ZPLD1: variants seen among roughly 807,000 people sequenced by gnomAD.
The protein encoded by ZPLD1 is zona pellucida-like domain-containing protein 1.
Under a neutral mutation model 47.2 loss-of-function variants are expected in ZPLD1, and 34 were observed. The observed-to-expected ratio is 0.72, with a 90% CI of 0.55 to 0.96. The LOEUF (loss-of-function observed/expected upper bound fraction) is 0.96. ZPLD1 is among the 40% of genes least tolerant of loss of function. ZPLD1 has a pLI of 0.00. For synonymous variants in ZPLD1, 176 were observed against 186.2 expected (o/e 0.95, Z 0.45); for missense variants, 512 against 505.8 (o/e 1.01, Z -0.12).
intron 6 of ZPLD1, among the ~76,000 whole-genome samples, 176 bp downstream of exon 6, chr3:102,458,029 A>G (rs1707446027): frequency 6.6e-6 from 1 of 152,212 alleles, no homozygotes; most frequent in South Asian, 2.1e-4. Context: ...GTATAATAAT[A>G]TCTCCATTAA....
chr3:102,468,469 T>C (rs958283177), intron 8 of ZPLD1, among the ~76,000 whole-genome samples: 2 of 152,004 alleles, frequency 1.3e-5, no homozygotes, highest in Non-Finnish European at 2.9e-5. Flanking sequence ...ATGAGGAAGC[T>C]CTCTAAATAT....
intron 7 of ZPLD1, among the ~76,000 whole-genome samples, chr3:102,416,238 A>G (rs1706803019): frequency 6.6e-6 from 1 of 151,916 alleles, no homozygotes; most frequent in Non-Finnish European, 1.5e-5. Flanking sequence ...TATCTCAACT[A>G]TTTTATATTT....
intron 3 of ZPLD1, among the ~76,000 whole-genome samples, chr3:102,444,559 T>C (rs1707228421): frequency 6.6e-6 from 1 of 152,240 alleles, no homozygotes. Context: ...ATCTGTTCTC[T>C]AGGCAATTTG....
At chr3:102,444,620 A>G (rs183561333) in intron 3 of ZPLD1, among the ~76,000 whole-genome samples, 1 of 152,334 alleles carries the variant, frequency 6.6e-6, no homozygotes, top group East Asian at 1.9e-4. Flanking sequence ...AGATAAAAGC[A>G]GAACTGATAT....
intron 7 of ZPLD1, among the ~76,000 whole-genome samples, chr3:102,406,325 C>A (rs1224001292): frequency 6.6e-6 from 1 of 151,932 alleles, no homozygotes; most frequent in Non-Finnish European, 1.5e-5. Context: ...ATAAGCTTGA[C>A]ACACAACTAC....
chr3:102,462,805 A>T (rs375801156), intron 7 of ZPLD1, among the ~76,000 whole-genome samples: 1 of 152,128 alleles, frequency 6.6e-6, no homozygotes, highest in African/African-American at 2.4e-5. Context: ...ACATAAAATG[A>T]TCTCCAGAAA....
intron 10 of ZPLD1, among the ~76,000 whole-genome samples, chr3:102,476,151 G>A (rs1487969461): frequency 6.6e-6 from 1 of 151,836 alleles, no homozygotes; most frequent in Non-Finnish European, 1.5e-5. Context: ...TGAACTATGT[G>A]GTTTTATACA....
At chr3:102,395,690 C>CT (rs1706549209) in intron 7 of ZPLD1, among the ~76,000 whole-genome samples, 1 of 152,174 alleles carries the variant, frequency 6.6e-6, no homozygotes, top group African/African-American at 2.4e-5. Flanking sequence ...ACCAATGCAC[C>CT]TGTGCACATT....
rs1707410062 is a variant in ZPLD1, at chr3:102,456,195, ATCC to A, written c.331_333del (p.Ser111del). 4.3e-6 allele frequency: 7 copies of A among 1,611,678 alleles called. No homozygotes were observed. The Admixed American group carries it at 1.0e-4, about 23-fold the overall frequency. On this transcript the variant is annotated inframe_deletion, in exon 5 of 12. Transcript: ENST00000466937. ...AACTGCATCTAACATTCTAACAGGT[ATCC>A]ACAATTCCTGGAGTCAGTGCTTATG... is the stretch of plus-strand genomic sequence containing the variant.
intron 7 of ZPLD1, among the ~76,000 whole-genome samples, chr3:102,397,618 C>A (rs1706572678): frequency 6.6e-6 from 1 of 152,054 alleles, no homozygotes; most frequent in Non-Finnish European, 1.5e-5. Flanking sequence ...ATGTCAGTCT[C>A]TTGTATTCTA....
chr3:102,394,648 A>G lies in ZPLD1; in HGVS notation c.-157+2423A>G, dbSNP rs1341121421. ...ATTTTAAAATGGGGCTGGTAAAATT[A>G]GCCAGAATTATGGCCTACATTCCTT... is the stretch of plus-strand genomic sequence containing the variant. On this transcript the variant is annotated intron_variant, in intron 7 of 17. Coordinates refer to the ZPLD1 transcript ENST00000491959. Among the ~76,000 whole-genome samples, 3 of 152,210 alleles carry G rather than the reference A, an allele frequency of 2.0e-5. No individual in the cohort carries two copies. The East Asian group carries it at 5.8e-4, about 29-fold the overall frequency.
chr3:102,404,093 G>A (rs183838310), intron 7 of ZPLD1, among the ~76,000 whole-genome samples: 4 of 151,988 alleles, frequency 2.6e-5, no homozygotes, highest in Admixed American at 2.6e-4. Flanking sequence ...ATATTCCCGT[G>A]TCACTCTTGA....
At chr3:102,446,995 G>A (rs1435204) in intron 3 of ZPLD1, among the ~76,000 whole-genome samples, 53,909 of 152,016 alleles carry the variant, frequency 0.35, 9,910 homozygotes, top group Middle Eastern at 0.47. Flanking sequence ...TTGAAAATAA[G>A]TAAAACCAAT....
intron 8 of ZPLD1, among the ~76,000 whole-genome samples, chr3:102,420,087 T>C (rs554187699): frequency 3.9e-5 from 6 of 151,968 alleles, no homozygotes; most frequent in African/African-American, 1.4e-4. Context: ...CACTGCTGAT[T>C]ATTATTAGAT....
intron 8 of ZPLD1, among the ~76,000 whole-genome samples, chr3:102,427,092 C>T (rs1484758691): frequency 3.9e-5 from 6 of 152,078 alleles, no homozygotes; most frequent in Middle Eastern, 3.4e-3. Flanking sequence ...TGAACGTTAA[C>T]GAGAACAGGG....
chr3:102,399,236 A>G (rs549781014), intron 7 of ZPLD1, among the ~76,000 whole-genome samples: 1 of 152,216 alleles, frequency 6.6e-6, no homozygotes, highest in South Asian at 2.1e-4. Context: ...AAGATAAACC[A>G]TGTATCTGCT....
At chr3:102,408,273 A>G (rs1017755687) in intron 7 of ZPLD1, among the ~76,000 whole-genome samples, 1 of 151,808 alleles carries the variant, frequency 6.6e-6, no homozygotes, top group Admixed American at 6.6e-5. Flanking sequence ...GAAAAAATGA[A>G]GGGCAAAAGA....
chr3:102,433,955 T>TAATAATG (rs1329815236), upstream of ZPLD1, among the ~76,000 whole-genome samples: 1 of 152,252 alleles, frequency 6.6e-6, no homozygotes, highest in Non-Finnish European at 1.5e-5. Flanking sequence ...AAGCATACAT[T>TAATAATG]ATTAATATAA....
At chr3:102,451,916 T>G (rs947676257) in intron 3 of ZPLD1, among the ~76,000 whole-genome samples, 2 of 152,188 alleles carry the variant, frequency 1.3e-5, no homozygotes, top group African/African-American at 4.8e-5. Flanking sequence ...TATTTCCAAA[T>G]AAAGCCTAAG....
Sources: allele counts gnomAD v4.1 joint callset (sites outside exome capture counted in the v4.1 genomes callset), GRCh38; gene constraint gnomAD v4.1.1; transcripts MANE v1.5; gene names NCBI Gene and HGNC (gene_info 2026-07-23, HGNC 2026-07-21).